SPTLC1: variants seen among roughly 807,000 people sequenced by gnomAD.
The protein encoded by SPTLC1 is serine palmitoyltransferase long chain base subunit 1.
Under a neutral mutation model 68.9 loss-of-function variants are expected in SPTLC1, and 55 were observed. The ratio of observed to expected loss-of-function variants is 0.80; its 90% CI spans 0.64 to 1.00. The LOEUF is 1.00. SPTLC1 is among the 50% of genes least tolerant of loss of function. The pLI is 0.00. For missense variants in SPTLC1, 449 were observed against 573.1 expected, an observed-to-expected ratio of 0.78 and a Z score of 2.21; for synonymous variants, 197 against 201.6, an observed-to-expected ratio of 0.98 and a Z score of 0.19.
At chr9:92,082,141 A>C (rs981882395) in intron 3 of SPTLC1, among the ~76,000 whole-genome samples, 1 of 152,142 alleles carries the variant, frequency 6.6e-6, no homozygotes, top group Admixed American at 6.5e-5. Context: ...TCTACCTCTC[A>C]GGGAAATTGC....
chr9:92,045,402 C>A (rs1344586700), intron 12 of SPTLC1, among the ~76,000 whole-genome samples: 3 of 145,266 alleles, frequency 2.1e-5, no homozygotes, highest in Non-Finnish European at 4.5e-5. Context: ...TTCTAGATGA[C>A]AAGTTAGTGG....
chr9:92,038,216 T>TG, intron 13 of SPTLC1, 32 bp downstream of exon 13: 1 of 1,428,762 alleles, frequency 7.0e-7, no homozygotes, highest in African/African-American at 1.4e-5. Context: ...AGAAGTGGTG[T>TG]GGGGGGATGC....
At chr9:92,068,619 GAATTTCTTGT>G (rs914227031) in intron 5 of SPTLC1, among the ~76,000 whole-genome samples, 8 of 152,168 alleles carry the variant, frequency 5.3e-5, no homozygotes, top group Non-Finnish European at 1.2e-4. Context: ...GATTCTGTCT[GAATTTCTTGT>G]AAGTGTAATG....
At chr9:92,058,627 A>G (rs954491953) in intron 7 of SPTLC1, among the ~76,000 whole-genome samples, 3 of 152,208 alleles carry the variant, frequency 2.0e-5, no homozygotes, top group Admixed American at 2.0e-4. Context: ...GAAACAGCTG[A>G]AAACAGGGCT....
chr9:92,071,155 C>T (rs1257324175), intron 5 of SPTLC1, among the ~76,000 whole-genome samples: 3 of 149,736 alleles, frequency 2.0e-5, no homozygotes, highest in Non-Finnish European at 3.0e-5. Context: ...TTCGGGAGGC[C>T]GAGGCAGGAG....
At chr9:92,038,410 T>C in intron 12 of SPTLC1, 45 bp from the exon 13 acceptor site, 1 of 1,248,974 alleles carries the variant, frequency 8.0e-7, no homozygotes, top group Non-Finnish European at 1.2e-6. Flanking sequence ...CCTTCCAGGC[T>C]TGAAGATCGC....
At chr9:92,074,310 A>G (rs1239418403) in intron 5 of SPTLC1, among the ~76,000 whole-genome samples, 1 of 151,950 alleles carries the variant, frequency 6.6e-6, no homozygotes, top group Non-Finnish European at 1.5e-5. Context: ...CTCTGGTACC[A>G]AATCAGGCAA....
chr9:92,063,526 G>A (rs1341051465), intron 6 of SPTLC1, among the ~76,000 whole-genome samples: 1 of 152,064 alleles, frequency 6.6e-6, no homozygotes. Context: ...GTGTTATTCT[G>A]CTACCAAAAC....
At chr9:92,087,135 T>C (rs1330104302) in intron 3 of SPTLC1, among the ~76,000 whole-genome samples, 2 of 151,994 alleles carry the variant, frequency 1.3e-5, no homozygotes, top group African/African-American at 4.8e-5. Context: ...ATTCTAGTTA[T>C]ACATTCGTCT....
At chr9:92,039,873 TCTCAA>T (rs143602683) in intron 12 of SPTLC1, among the ~76,000 whole-genome samples, 5,884 of 152,232 alleles carry the variant, frequency 0.039, 386 homozygotes, top group African/African-American at 0.13. Flanking sequence ...ATGCTAGATC[TCTCAA>T]TAAAGCAGGC....
At chr9:92,057,440 A>C (rs1833934600) in intron 7 of SPTLC1, among the ~76,000 whole-genome samples, 1 of 151,468 alleles carries the variant, frequency 6.6e-6, no homozygotes, top group South Asian at 2.1e-4. Flanking sequence ...GCCAATTTAA[A>C]CTCCTTCCAG....
chr9:92,093,623 TAA>T (rs1335819371), intron 3 of SPTLC1, among the ~76,000 whole-genome samples: 2 of 152,166 alleles, frequency 1.3e-5, no homozygotes, highest in African/African-American at 2.4e-5. Context: ...AAGAAAAATA[TAA>T]AGACAGTAAT....
At chr9:92,059,099 G>T in intron 7 of SPTLC1, 80 bp downstream of exon 7, 1 of 1,539,524 alleles carries the variant, frequency 6.5e-7, no homozygotes, top group South Asian at 1.1e-5. Flanking sequence ...AAGTTTTCAT[G>T]ACAAATTACC....
intron 12 of SPTLC1, among the ~76,000 whole-genome samples, chr9:92,042,689 G>C (rs145147345): frequency 0.01 from 1,529 of 152,274 alleles, 25 homozygotes; most frequent in African/African-American, 0.036. Flanking sequence ...TTCCAATTAA[G>C]ATTCTAGCAA....
intron 5 of SPTLC1, among the ~76,000 whole-genome samples, chr9:92,073,082 T>C (rs931490064): frequency 6.6e-6 from 1 of 152,030 alleles, no homozygotes; most frequent in Non-Finnish European, 1.5e-5. Context: ...AATTTGACCC[T>C]GAAGCCGACC....
intron 6 of SPTLC1, among the ~76,000 whole-genome samples, chr9:92,067,062 C>T (rs550000372): frequency 1.3e-3 from 200 of 152,026 alleles, no homozygotes; most frequent in African/African-American, 4.6e-3. Flanking sequence ...CTTTGGGAGG[C>T]CGAGGCAGGT....
intron 5 of SPTLC1, among the ~76,000 whole-genome samples, chr9:92,078,843 C>T (rs1195346388): frequency 1.3e-5 from 2 of 152,058 alleles, no homozygotes; most frequent in Non-Finnish European, 2.9e-5. Flanking sequence ...TATCTGTTTC[C>T]AAGACAAATA....
At chr9:92,094,874 C>A (rs905592453) in intron 3 of SPTLC1, among the ~76,000 whole-genome samples, 3 of 152,160 alleles carry the variant, frequency 2.0e-5, no homozygotes, top group African/African-American at 7.2e-5. Flanking sequence ...AAGCCCGCCA[C>A]CACGAAGTTC....
intron 3 of SPTLC1, among the ~76,000 whole-genome samples, chr9:92,087,736 C>T (rs1280285523): frequency 6.6e-6 from 1 of 152,242 alleles, no homozygotes; most frequent in African/African-American, 2.4e-5. Flanking sequence ...GTTCTCAGAT[C>T]TCCAGCTGCG....
Sources: gnomAD v4.1 joint callset for allele counts (sites outside exome capture counted in the v4.1 genomes callset) on GRCh38, gnomAD v4.1.1 for gene constraint, MANE v1.5 for transcripts, NCBI Gene and HGNC (gene_info 2026-07-23, HGNC 2026-07-21) for gene names.